The following PRR16 variants were observed in gnomAD, a reference collection of about 807,000 sequenced individuals.
The protein encoded by PRR16 is proline rich 16, also known as protein Largen.
PRR16 carries 6 observed loss-of-function variants against 18.2 expected under a neutral mutation model. The observed-to-expected ratio is 0.33, with a 90% CI of 0.18 to 0.65. PRR16 has a LOEUF of 0.65. PRR16 is among the 30% of genes least tolerant of loss of function. PRR16 has a pLI of 0.74. For synonymous variants in PRR16, 151 were observed against 147.8 expected, an observed-to-expected ratio of 1.02 and a Z score of -0.16; for missense variants, 412 against 376.6, an observed-to-expected ratio of 1.09 and a Z score of -0.78.
At chr5:120,713,332 C>T in the PRR16 span, among the ~76,000 whole-genome samples, 1 of 152,090 alleles carries the variant, frequency 6.6e-6, no homozygotes, top group Non-Finnish European at 1.5e-5. Context: ...ATAATCTGTA[C>T]ATATTCAAGG....
the PRR16 span, among the ~76,000 whole-genome samples, chr5:120,728,197 A>G: frequency 6.6e-6 from 1 of 152,070 alleles, no homozygotes; most frequent in African/African-American, 2.4e-5. Context: ...TATAATTTAG[A>G]AAACAAAATC....
chr5:120,481,967 A>G (rs892622073), intron 1 of PRR16, among the ~76,000 whole-genome samples: 40 of 152,302 alleles, frequency 2.6e-4, no homozygotes, highest in African/African-American at 8.9e-4. Flanking sequence ...TATGAGTGCC[A>G]TAATTTTAAT....
At chr5:120,475,247 C>A (rs1371834091) in intron 1 of PRR16, among the ~76,000 whole-genome samples, 2 of 152,174 alleles carry the variant, frequency 1.3e-5, no homozygotes, top group Non-Finnish European at 2.9e-5. Flanking sequence ...AAGTCCATGA[C>A]CTGCTTCCCA....
At chr5:120,613,810 A>G (rs1404301) in intron 1 of PRR16, among the ~76,000 whole-genome samples, 2,549 of 152,286 alleles carry the variant, frequency 0.017, 67 homozygotes, top group African/African-American at 0.058. Flanking sequence ...CCTTTAAGAA[A>G]TCTGGACTGA....
the PRR16 span, among the ~76,000 whole-genome samples, chr5:120,741,358 A>C: frequency 6.6e-6 from 1 of 152,044 alleles, no homozygotes; most frequent in Non-Finnish European, 1.5e-5. Context: ...CCTGCTACTC[A>C]ACCCAGCTTT....
At chr5:120,649,111 C>G (rs1035470801) in intron 1 of PRR16, among the ~76,000 whole-genome samples, 5 of 152,030 alleles carry the variant, frequency 3.3e-5, no homozygotes, top group Admixed American at 6.6e-5. Context: ...AGTCAGTGCA[C>G]GCTGGCTCGA....
the PRR16 span, among the ~76,000 whole-genome samples, chr5:120,728,681 C>G: frequency 6.6e-6 from 1 of 152,174 alleles, no homozygotes; most frequent in South Asian, 2.1e-4. Flanking sequence ...CTTCATCTGT[C>G]TGTCAAGCTG....
At chr5:120,655,315 A>G (rs1471015103) in intron 1 of PRR16, among the ~76,000 whole-genome samples, 1 of 151,728 alleles carries the variant, frequency 6.6e-6, no homozygotes, top group Non-Finnish European at 1.5e-5. Flanking sequence ...ACTAAAAAGA[A>G]ATGTATAATG....
At chr5:120,570,949 C>T (rs1012852655) in intron 1 of PRR16, among the ~76,000 whole-genome samples, 2 of 151,870 alleles carry the variant, frequency 1.3e-5, no homozygotes, top group Non-Finnish European at 2.9e-5. Context: ...TTATAGATGG[C>T]AATGTTTATG....
chr5:120,701,377 C>G, the PRR16 span, among the ~76,000 whole-genome samples: 7 of 152,228 alleles, frequency 4.6e-5, no homozygotes, highest in South Asian at 1.2e-3. Flanking sequence ...CCAAACAAGT[C>G]ATGAACTGGG....
chr5:120,535,852 C>T (rs1439413521), intron 1 of PRR16, among the ~76,000 whole-genome samples: 1 of 152,038 alleles, frequency 6.6e-6, no homozygotes, highest in Non-Finnish European at 1.5e-5. Flanking sequence ...CCTGTAATCC[C>T]AGCACTTTGG....
chr5:120,635,782 GAGAA>G (rs1374743617), intron 1 of PRR16, among the ~76,000 whole-genome samples: 1 of 152,172 alleles, frequency 6.6e-6, no homozygotes, highest in South Asian at 2.1e-4. Flanking sequence ...AATCAGACAA[GAGAA>G]AGAAAGAAAG....
At chr5:120,483,834 A>C (rs887390688) in intron 1 of PRR16, among the ~76,000 whole-genome samples, 2 of 152,132 alleles carry the variant, frequency 1.3e-5, no homozygotes, top group Non-Finnish European at 2.9e-5. Context: ...GTGGGCAAAG[A>C]AATACCTACA....
the PRR16 span, among the ~76,000 whole-genome samples, chr5:120,750,802 T>C: frequency 6.6e-6 from 1 of 152,202 alleles, no homozygotes; most frequent in Non-Finnish European, 1.5e-5. Context: ...TATCATTTTT[T>C]ATGGTGTTGG....
At chr5:120,647,902 G>A (rs559849594) in intron 1 of PRR16, among the ~76,000 whole-genome samples, 36 of 152,070 alleles carry the variant, frequency 2.4e-4, no homozygotes, top group African/African-American at 7.7e-4. Flanking sequence ...TTGAGTTAGG[G>A]GCTAGCAGAG....
chr5:120,575,954 G>A (rs893110766), intron 1 of PRR16, among the ~76,000 whole-genome samples: 1 of 152,174 alleles, frequency 6.6e-6, no homozygotes, highest in Non-Finnish European at 1.5e-5. Context: ...AATAAATAGT[G>A]CTGGTATAAC....
At chr5:120,775,796 ATT>A in the PRR16 span, among the ~76,000 whole-genome samples, 8,515 of 80,260 alleles carry the variant, frequency 0.11, 153 homozygotes, top group African/African-American at 0.18. Context: ...ACGCCTGGCT[ATT>A]TTTTTTTTTT....
At chr5:120,728,325 C>CTT in the PRR16 span, among the ~76,000 whole-genome samples, 30,687 of 146,334 alleles carry the variant, frequency 0.21, 3,716 homozygotes, top group Non-Finnish European at 0.27. Context: ...CAAAAATAAC[C>CTT]TTTTTTTTTT....
the PRR16 span, among the ~76,000 whole-genome samples, chr5:120,698,810 C>T: frequency 3.3e-5 from 5 of 151,968 alleles, no homozygotes; most frequent in South Asian, 2.1e-4. Context: ...ACCTTTAGTC[C>T]GTTCTACTTT....
Sources: gnomAD v4.1 joint callset for allele counts (sites outside exome capture counted in the v4.1 genomes callset) on GRCh38, gnomAD v4.1.1 for gene constraint, MANE v1.5 for transcripts, NCBI Gene and HGNC (gene_info 2026-07-23, HGNC 2026-07-21) for gene names.